DPP6: variants seen among roughly 807,000 people sequenced by gnomAD.
The protein encoded by DPP6 is dipeptidyl peptidase like 6, also known as A-type potassium channel modulatory protein DPP6.
A neutral mutation model predicts 122.6 loss-of-function variants in DPP6; 69 were observed. The ratio of observed to expected loss-of-function variants is 0.56; its 90% confidence interval spans 0.46 to 0.69. The LOEUF (loss-of-function observed/expected upper bound fraction) is 0.69. Among genes scored for constraint, DPP6 ranks in the 30% least tolerant of loss-of-function variants. DPP6 has a pLI of 0.00. For synonymous variants in DPP6, 418 were observed against 433.1 expected, an observed-to-expected ratio of 0.97 and a Z score of 0.43; for missense variants, 928 against 1,116.9, an observed-to-expected ratio of 0.83 and a Z score of 2.41.
chr7:154,091,086 A>G (rs1259504904), intron 1 of DPP6, among the ~76,000 whole-genome samples: 1 of 150,378 alleles, frequency 6.6e-6, no homozygotes, highest in Non-Finnish European at 1.5e-5. Context: ...GCGCCACTGC[A>G]CTCCAGCTTG....
chr7:153,958,820 T>C (rs930913537), intron 1 of DPP6, among the ~76,000 whole-genome samples: 2 of 151,758 alleles, frequency 1.3e-5, no homozygotes, highest in Admixed American at 6.6e-5. Context: ...GAGAGAGGCC[T>C]TCTGTTCCTT....
At chr7:153,825,212 G>A in the DPP6 span, among the ~76,000 whole-genome samples, 1 of 152,084 alleles carries the variant, frequency 6.6e-6, no homozygotes, top group Non-Finnish European at 1.5e-5. Flanking sequence ...GCTCGTCTGT[G>A]TCTTCTATTA....
chr7:154,213,813 C>T (rs1015855152), intron 1 of DPP6, among the ~76,000 whole-genome samples: 6 of 152,146 alleles, frequency 3.9e-5, no homozygotes, highest in African/African-American at 1.2e-4. Context: ...CAAATGCATT[C>T]GGTAGATGAT....
chr7:154,256,314 A>T (rs1212449411), intron 1 of DPP6, among the ~76,000 whole-genome samples: 2 of 152,162 alleles, frequency 1.3e-5, no homozygotes, highest in Non-Finnish European at 2.9e-5. Flanking sequence ...TAGTAAGTAC[A>T]CCATGCAGGG....
intron 1 of DPP6, among the ~76,000 whole-genome samples, chr7:153,895,954 TGTGAAAATAAAA>T (rs1354129456): frequency 1.3e-5 from 2 of 152,214 alleles, no homozygotes; most frequent in Non-Finnish European, 1.5e-5. Context: ...GTTACTCGTC[TGTGAAAATAAAA>T]GTGAATTGCT....
upstream of DPP6, among the ~76,000 whole-genome samples, chr7:154,051,793 C>T (rs1800343436): frequency 6.6e-6 from 1 of 151,046 alleles, no homozygotes; most frequent in African/African-American, 2.4e-5. Flanking sequence ...CTTTCCTGCC[C>T]TCCTCCGGAG....
At chr7:153,920,342 A>G (rs1043428100) in intron 1 of DPP6, among the ~76,000 whole-genome samples, 1 of 152,188 alleles carries the variant, frequency 6.6e-6, no homozygotes, top group Non-Finnish European at 1.5e-5. Context: ...CTGGCTTGCT[A>G]TCCAAAGTGC....
chr7:154,693,286 G>A (rs1230457951), intron 7 of DPP6, among the ~76,000 whole-genome samples: 1 of 152,150 alleles, frequency 6.6e-6, no homozygotes, highest in Non-Finnish European at 1.5e-5. Flanking sequence ...CGAGAAGGAA[G>A]GCCCTTACTA....
At chr7:154,295,407 C>T (rs1161524281) in intron 1 of DPP6, among the ~76,000 whole-genome samples, 1 of 152,164 alleles carries the variant, frequency 6.6e-6, no homozygotes, top group Non-Finnish European at 1.5e-5. Flanking sequence ...TCCTCTAAGC[C>T]CCAATTTTCA....
the DPP6 span, among the ~76,000 whole-genome samples, chr7:153,871,093 G>A: frequency 3.7e-4 from 57 of 152,276 alleles, no homozygotes; most frequent in East Asian, 0.01. Context: ...GCTATTCGGG[G>A]GTCAGGAACC....
At chr7:154,672,736 A>C (rs1838643709) in intron 7 of DPP6, among the ~76,000 whole-genome samples, 1 of 152,208 alleles carries the variant, frequency 6.6e-6, no homozygotes, top group Non-Finnish European at 1.5e-5. Context: ...CTTAAGACGC[A>C]ATATAGCTCA....
intron 16 of DPP6, among the ~76,000 whole-genome samples, chr7:154,807,782 A>G (rs990924201): frequency 1.3e-5 from 2 of 152,174 alleles, no homozygotes; most frequent in Non-Finnish European, 2.9e-5. Context: ...AGATCGCACC[A>G]CTACACTCCA....
chr7:154,391,691 G>A (rs373660856), intron 1 of DPP6, among the ~76,000 whole-genome samples: 1 of 152,140 alleles, frequency 6.6e-6, no homozygotes, highest in South Asian at 2.1e-4. Flanking sequence ...GTTCATCTTG[G>A]CTATAGATGC....
chr7:154,659,950 G>A (rs1193376897), intron 6 of DPP6, among the ~76,000 whole-genome samples: 2 of 152,222 alleles, frequency 1.3e-5, no homozygotes, highest in South Asian at 4.1e-4. Context: ...TGTCCCCATA[G>A]GAGAAAATAA....
At chr7:154,371,571 C>T (rs574029958) in intron 1 of DPP6, among the ~76,000 whole-genome samples, 29 of 152,094 alleles carry the variant, frequency 1.9e-4, no homozygotes, top group African/African-American at 5.1e-4. Context: ...CTCTCACTGG[C>T]GAAGGCCCAC....
intron 1 of DPP6, among the ~76,000 whole-genome samples, chr7:154,021,358 T>G (rs567096494): frequency 6.6e-6 from 1 of 152,218 alleles, no homozygotes; most frequent in African/African-American, 2.4e-5. Flanking sequence ...CATATGTAAG[T>G]TTCCCTGATG....
intron 3 of DPP6, among the ~76,000 whole-genome samples, chr7:154,502,848 A>T (rs1346358108): frequency 3.3e-5 from 5 of 152,220 alleles, no homozygotes; most frequent in African/African-American, 1.2e-4. Flanking sequence ...CTCTGTTGAC[A>T]GGATGTAAAT....
At chr7:153,828,488 T>G in the DPP6 span, among the ~76,000 whole-genome samples, 1 of 152,216 alleles carries the variant, frequency 6.6e-6, no homozygotes, top group Non-Finnish European at 1.5e-5. Context: ...TACCAAGAAA[T>G]TCTTTTTGAA....
intron 7 of DPP6, among the ~76,000 whole-genome samples, chr7:154,709,367 G>T (rs1586931641): frequency 9.2e-6 from 1 of 109,254 alleles, no homozygotes; most frequent in Admixed American, 9.3e-5. Flanking sequence ...TTTTGTTGTT[G>T]TTGTTGTTGT....
Sources: gnomAD v4.1 joint callset for allele counts (sites outside exome capture counted in the v4.1 genomes callset) on GRCh38, gnomAD v4.1.1 for gene constraint, MANE v1.5 for transcripts, NCBI Gene and HGNC (gene_info 2026-07-23, HGNC 2026-07-21) for gene names.